WSCD2: variants seen among roughly 807,000 people sequenced by gnomAD.
The protein encoded by WSCD2 is sialate:O-sulfotransferase 2.
WSCD2 carries 28 observed loss-of-function variants against 55.7 expected under a neutral mutation model. The observed-to-expected ratio is 0.50, with a 90% confidence interval of 0.37 to 0.69. The LOEUF is 0.69. Ranked by LOEUF, WSCD2 falls within the 30% of genes least tolerant of loss-of-function variation. The pLI is 0.00. For missense variants in WSCD2, 616 were observed against 762.1 expected (o/e 0.81, Z 2.26); for synonymous variants, 301 against 301.9 (o/e 1.00, Z 0.03).
At chr12:108,175,388 C>G (rs964024418) in intron 1 of WSCD2, among the ~76,000 whole-genome samples, 2 of 152,160 alleles carry the variant, frequency 1.3e-5, no homozygotes, top group African/African-American at 2.4e-5. Flanking sequence ...AGCATGTGCC[C>G]GCACCACCCT....
intron 4 of WSCD2, among the ~76,000 whole-genome samples, chr12:108,211,650 T>C (rs199955650): frequency 1.4e-3 from 177 of 124,650 alleles, no homozygotes; most frequent in East Asian, 2.7e-3. Context: ...TATATATATA[T>C]ACATATATAT....
At chr12:108,135,231 C>G (rs553267369) in intron 1 of WSCD2, among the ~76,000 whole-genome samples, 1 of 152,192 alleles carries the variant, frequency 6.6e-6, no homozygotes, top group East Asian at 1.9e-4. Context: ...AGTGTTTGCT[C>G]AGAATCTTCT....
At chr12:108,134,514 G>T (rs1336801162) in intron 1 of WSCD2, among the ~76,000 whole-genome samples, 1 of 152,134 alleles carries the variant, frequency 6.6e-6, no homozygotes, top group Non-Finnish European at 1.5e-5. Context: ...GATGAGTCCA[G>T]CCAGTTTCCA....
rs375926178 is a variant in WSCD2, at chr12:108,240,821, C to A, written c.1345+277C>A. 2.0e-5 allele frequency among the ~76,000 whole-genome samples: 3 copies of A among 152,312 alleles called. No homozygotes were observed. The South Asian group carries it at 6.2e-4, about 32-fold the overall frequency. On this transcript the variant is annotated intron_variant, in intron 8 of 8. Coordinates refer to ENST00000547525, the MANE Select transcript of WSCD2 (RefSeq NM_014653.4). Reference sequence around the variant, plus strand: ...TAAAATCATGGGCTTGGGAGAAAGACTCTTTGGGTTCAGATCTCAGCTCTA... The same window carrying A: ...TAAAATCATGGGCTTGGGAGAAAGAATCTTTGGGTTCAGATCTCAGCTCTA...
chr12:108,160,313 A>G (rs1042787856), intron 1 of WSCD2, among the ~76,000 whole-genome samples: 1 of 152,198 alleles, frequency 6.6e-6, no homozygotes, highest in Non-Finnish European at 1.5e-5. Flanking sequence ...ACAAGATAGT[A>G]TATTGTATTG....
intron 1 of WSCD2, among the ~76,000 whole-genome samples, chr12:108,130,322 C>T (rs950954177): frequency 6.6e-6 from 1 of 152,166 alleles, no homozygotes; most frequent in African/African-American, 2.4e-5. Context: ...GGAGAGGGAG[C>T]TAGTCATATT....
intron 1 of WSCD2, among the ~76,000 whole-genome samples, chr12:108,166,578 C>T (rs374167473): frequency 7.2e-5 from 11 of 152,222 alleles, no homozygotes; most frequent in East Asian, 5.8e-4. Context: ...TCTGATCCAC[C>T]GGAGAGTAAG....
At chr12:108,227,800 T>G (rs888251205) in intron 6 of WSCD2, among the ~76,000 whole-genome samples, 6 of 152,060 alleles carry the variant, frequency 3.9e-5, no homozygotes, top group Non-Finnish European at 8.8e-5. Flanking sequence ...GTGATGATTA[T>G]GACGATGGTG....
At chr12:108,135,028 C>T (rs967407426) in intron 1 of WSCD2, among the ~76,000 whole-genome samples, 1 of 152,218 alleles carries the variant, frequency 6.6e-6, no homozygotes, top group African/African-American at 2.4e-5. Context: ...CATTTCCCCC[C>T]TTCACTCACC....
chr12:108,232,569 A>G (rs890871892), intron 6 of WSCD2, among the ~76,000 whole-genome samples, 162 bp from the exon 7 acceptor site: 2 of 152,112 alleles, frequency 1.3e-5, no homozygotes, highest in Non-Finnish European at 2.9e-5. Flanking sequence ...TACAGATGGG[A>G]AAGCTGAGGC....
At chr12:108,221,885 T>G (rs750248327) in intron 4 of WSCD2, among the ~76,000 whole-genome samples, 2 of 152,196 alleles carry the variant, frequency 1.3e-5, no homozygotes, top group Non-Finnish European at 2.9e-5. Flanking sequence ...CCACTACCAC[T>G]GCCACCTGTC....
At chr12:108,245,929 A>G (rs1386445078) in intron 8 of WSCD2, among the ~76,000 whole-genome samples, 3 of 152,232 alleles carry the variant, frequency 2.0e-5, no homozygotes, top group African/African-American at 7.2e-5. Context: ...GTGGGGAAGG[A>G]GTCTTGCCAC....
In WSCD2 at chr12:108,227,100, C is replaced by A. The variant is rs1335491500; in HGVS notation, c.915C>A (p.Ser305Arg). 2.5e-6 allele frequency: 4 copies of A among 1,614,084 alleles called. No individual in the cohort carries two copies. The highest frequency in any genetic ancestry group is 3.4e-6 in the Non-Finnish European group (4 of 1,180,032). The change falls in exon 6 of 9, where the codon AGC becomes AGA. Residue 305 changes from serine (S) to arginine (R), a missense_variant. Ser to Arg is a moderately radical substitution (Grantham distance 110). This residue lies in a region of WSCD2 where 374 missense variants were observed against 467.4 expected (regional missense o/e 0.80). Transcript: ENST00000547525. ...AGCAGCTCTGTGCCCAGAAGTGCAG[C>A]GCGGAGGAGTTTGAGAGCTGCGGGA... ...EDEQLCAQKC[S>R]AEEFESCGTP...
At position 108,210,106 on chromosome 12, in the gene WSCD2, A is replaced by G. The variant is rs1372941093; in HGVS notation, c.498-15A>G. On this transcript the variant is annotated splice_polypyrimidine_tract_variant and intron_variant, in intron 3 of 8. Coordinates refer to ENST00000547525, the MANE Select transcript of WSCD2 (RefSeq NM_014653.4). The surrounding 1 kb of genome is among the most constrained non-coding windows in gnomAD (Gnocchi z 4.3). The stretch of plus-strand genomic sequence containing the variant: ...CATGGTGGCAGCTACCCTGCTTGAC[A>G]GCAGCCTCCCCCAGGGGTTACCTGT... 1.9e-6 allele frequency: 3 copies of G among 1,613,856 alleles called. No individual in the cohort carries two copies. The highest frequency in any genetic ancestry group is 1.3e-5 in the African/African-American group (1 of 74,900).
chr12:108,134,682 A>G (rs911325122), intron 1 of WSCD2, among the ~76,000 whole-genome samples: 3 of 152,204 alleles, frequency 2.0e-5, no homozygotes, highest in African/African-American at 7.2e-5. Context: ...CCTGGTACCT[A>G]TTCAGAGGTG....
rs139569122 is a variant in WSCD2, at chr12:108,210,652, T to C, written c.682+347T>C. Among the ~76,000 whole-genome samples, 291 of 152,332 alleles carry C rather than the reference T, an allele frequency of 1.9e-3. 4 individuals are homozygous for C. Among genetic ancestry groups the C allele is most frequent in the African/African-American group, 6.8e-3 (283 of 41,568 alleles). ...AGCAGACTGTCTCTAATGATGATGATGGTGGTAATGGCAATAGCAAACACT... is the reference window on the plus strand; with the variant it reads ...AGCAGACTGTCTCTAATGATGATGACGGTGGTAATGGCAATAGCAAACACT... On this transcript the variant is annotated intron_variant, in intron 4 of 8. Coordinates refer to ENST00000547525, the MANE Select transcript of WSCD2 (RefSeq NM_014653.4). This position sits in a 1 kb window ranked among gnomAD's most constrained non-coding sequence, Gnocchi z 4.3.
intron 2 of WSCD2, 44 bp downstream of exon 2, chr12:108,196,258 G>A: frequency 6.5e-7 from 1 of 1,550,166 alleles, no homozygotes; most frequent in Non-Finnish European, 8.7e-7. Context: ...TGGGGAGAAG[G>A]GAGGAGATAC....
intron 2 of WSCD2, among the ~76,000 whole-genome samples, chr12:108,199,423 G>A (rs940988792): frequency 2.0e-5 from 3 of 152,194 alleles, no homozygotes; most frequent in Admixed American, 6.5e-5. Flanking sequence ...CCATGTGCCA[G>A]TCATTTACCT....
chr12:108,179,938 G>A (rs1198097724), intron 1 of WSCD2, among the ~76,000 whole-genome samples: 1 of 151,926 alleles, frequency 6.6e-6, no homozygotes, highest in Non-Finnish European at 1.5e-5. Context: ...AGCTACTTGG[G>A]AGGCTGAGGC....
Sources: allele counts gnomAD v4.1 joint callset (sites outside exome capture counted in the v4.1 genomes callset), GRCh38; gene constraint gnomAD v4.1.1; regional missense constraint gnomAD v4.1.1; non-coding constraint Gnocchi (gnomAD v3.1); transcripts MANE v1.5; gene names NCBI Gene and HGNC (gene_info 2026-07-23, HGNC 2026-07-21).